PLEKHM1: variants seen among roughly 807,000 people sequenced by gnomAD.
PLEKHM1 encodes pleckstrin homology and RUN domain containing M1.
PLEKHM1 carries 28 observed loss-of-function variants against 94.3 expected under a neutral mutation model. The ratio of observed to expected loss-of-function variants is 0.30; its 90% confidence interval spans 0.22 to 0.41. PLEKHM1 has a LOEUF of 0.41. PLEKHM1 is among the 10% of genes least tolerant of loss of function. PLEKHM1 has a pLI of 1.00. For missense variants in PLEKHM1, 907 were observed against 1,358.6 expected (o/e 0.67, Z 5.22); for synonymous variants, 424 against 581.2 (o/e 0.73, Z 3.89).
intron 5 of PLEKHM1, among the ~76,000 whole-genome samples, chr17:45,460,991 T>C (rs1354074011): frequency 6.6e-6 from 1 of 152,170 alleles, no homozygotes; most frequent in African/African-American, 2.4e-5. Context: ...TTCACGCCAT[T>C]CTCCTGCCTC....
In PLEKHM1 at chr17:45,468,489, C is replaced by T. The variant is rs775330482; in HGVS notation, c.1028G>A (p.Gly343Asp). ...GTGCAGGTATGTGCTGGTGTTGAGG[C>T]CATGGAGGGAGAGCGAGGCCTGTGG... Reference protein sequence around the residue: ...PTPQASLSLHGLNTSTYLHCE... With the variant: ...PTPQASLSLHDLNTSTYLHCE... Residue 343 changes from glycine to aspartate, a missense_variant, in exon 5 of 12, where the codon GGC (glycine) becomes GAC (aspartate). Physicochemically the swap from Gly to Asp is moderately conservative, Grantham distance 94. Transcript: ENST00000430334. 4 of 1,614,174 alleles carry T rather than the reference C, an allele frequency of 2.5e-6. No homozygotes were observed. In the South Asian group the frequency reaches 3.3e-5, roughly 13 times the overall value.
At chr17:45,450,182 C>A (rs1328228033) in intron 8 of PLEKHM1, among the ~76,000 whole-genome samples, 1 of 151,898 alleles carries the variant, frequency 6.6e-6, no homozygotes, top group Non-Finnish European at 1.5e-5. Flanking sequence ...TCCACCTAAC[C>A]ATCCACCTAG....
chr17:45,452,957 T>C (rs1258291085), intron 7 of PLEKHM1: 2 of 353,366 alleles, frequency 5.7e-6, no homozygotes, highest in Non-Finnish European at 1.1e-5. Flanking sequence ...CCCATTTTTA[T>C]AATTAAAAAA....
rs1000302854 is a variant in PLEKHM1 at position 45,445,209 on chromosome 17, A to C, written c.2837+261T>G. ...AGGCCCAGTGGGAAGATCTCTGCCC[A>C]GGTTTCCTCCAGGTGGACGCCTTGC... On this transcript the variant is annotated intron_variant, in intron 9 of 11. Coordinates refer to ENST00000430334, the MANE Select transcript of PLEKHM1 (RefSeq NM_014798.3). The surrounding 1 kb of genome is among the most constrained non-coding windows in gnomAD (Gnocchi z 4.2). Among the ~76,000 whole-genome samples, 3 of 152,242 alleles carry C rather than the reference A, an allele frequency of 2.0e-5. No homozygotes were observed. Among genetic ancestry groups the C allele is most frequent in the African/African-American group, 7.2e-5 (3 of 41,472 alleles).
intron 4 of PLEKHM1, among the ~76,000 whole-genome samples, chr17:45,473,629 G>A (rs994847443): frequency 1.3e-5 from 2 of 151,884 alleles, no homozygotes; most frequent in African/African-American, 4.8e-5. Context: ...CACGATCTCG[G>A]CTCACTGCAA....
At chr17:45,470,427 G>A (rs1386859648) in intron 4 of PLEKHM1, among the ~76,000 whole-genome samples, 2 of 152,288 alleles carry the variant, frequency 1.3e-5, no homozygotes, top group African/African-American at 2.4e-5. Context: ...CCAGGAGTTC[G>A]AGATCAGCCT....
chr17:45,487,940 A>C (rs1466365950), intron 1 of PLEKHM1: 1 of 368,658 alleles, frequency 2.7e-6, no homozygotes, highest in African/African-American at 2.1e-5. Flanking sequence ...TTCAATTGGA[A>C]AAGAATGACA....
rs1206051316 is a variant in PLEKHM1 at position 45,475,125 on chromosome 17, C to T, written c.898G>A (p.Glu300Lys). Reference protein sequence around the residue: ...CDSDLGTANAEDSDRSLQEVL... With the variant: ...CDSDLGTANAKDSDRSLQEVL... ...TCTTGCAGAGACCGGTCTGAGTCCT[C>T]AGCATTTGCTGTGCCCAGGTCTGAG... The change falls in exon 4 of 12, where the codon GAG becomes AAG. Residue 300 changes from glutamate (E) to lysine (K), a missense_variant. Glu to Lys is a moderately conservative substitution (Grantham distance 56). Around this residue, in one of 3 missense-constraint regions of PLEKHM1, gnomAD observed 477 missense variants for 601.5 expected, o/e 0.79. Transcript: ENST00000430334. 1 of 1,613,966 alleles carries T rather than the reference C, an allele frequency of 6.2e-7. No individual in the cohort carries two copies. The highest frequency in any genetic ancestry group is 2.2e-5 in the East Asian group (1 of 44,886).
chr17:45,448,892 G>A (rs546621792), intron 8 of PLEKHM1, among the ~76,000 whole-genome samples: 1 of 152,090 alleles, frequency 6.6e-6, no homozygotes, highest in East Asian at 1.9e-4. Context: ...AGTGAACCAA[G>A]CTTCTTATAA....
In PLEKHM1 at chr17:45,439,608, G is replaced by A. The variant is rs765557109; in HGVS notation, c.2928C>T (p.Phe976=). The A allele has an allele frequency of 4.3e-6, 7 of 1,614,096 alleles. No homozygotes were observed. The highest frequency in any genetic ancestry group is 5.9e-6 in the Non-Finnish European group (7 of 1,179,982). ...AGGCAAATTCAATCAGGGCCTTGAG[G>A]AATCCTTCATACACCCCGTCTGCGA... is the stretch of plus-strand genomic sequence containing the variant. ...QQIADGVYEG[F]LKALIEFASQ... The change falls in exon 11 of 12, where the codon TTC becomes TTT. Residue 976 remains phenylalanine, a synonymous_variant. Coordinates refer to ENST00000430334, the MANE Select transcript of PLEKHM1 (RefSeq NM_014798.3).
chr17:45,459,305 C>T (rs2051080258), intron 5 of PLEKHM1: 1 of 152,222 alleles, frequency 6.6e-6, no homozygotes, highest in African/African-American at 2.4e-5. Flanking sequence ...GCTCTAGGCA[C>T]CTACTTACCT....
At chr17:45,474,443 C>G (rs971521362) in intron 4 of PLEKHM1, among the ~76,000 whole-genome samples, 1 of 152,178 alleles carries the variant, frequency 6.6e-6, no homozygotes, top group Non-Finnish European at 1.5e-5. Context: ...TACTCTTCCA[C>G]ACATCTGTCT....
Position 45,458,354 on chromosome 17 carries a change from G to A in PLEKHM1, c.1394C>T (p.Ala465Val), listed in dbSNP as rs1205378774. ...TGACCCTGGAGTCCCCCTGTAAGAAGCTATTGGGTGGTCTGAAGCACTCTC... is the reference window on the plus strand; with the variant it reads ...TGACCCTGGAGTCCCCCTGTAAGAAACTATTGGGTGGTCTGAAGCACTCTC... ...PLESASDHPI[A>V]SYRGTPGSRP... The change falls in exon 6 of 12, where the codon GCT (alanine) becomes GTT (valine). Residue 465 changes from alanine (A) to valine (V), a missense_variant. Transcript: ENST00000430334. 2.5e-6 allele frequency: 4 copies of A among 1,614,012 alleles called. No homozygotes were observed. Among genetic ancestry groups the A allele is most frequent in the African/African-American group, 2.7e-5 (2 of 75,062 alleles).
intron 9 of PLEKHM1, among the ~76,000 whole-genome samples, chr17:45,443,851 A>T (rs976620848): frequency 6.6e-6 from 1 of 152,082 alleles, no homozygotes; most frequent in Non-Finnish European, 1.5e-5. Flanking sequence ...CAAGAGGTGG[A>T]GACCCAGTCA....
intron 6 of PLEKHM1, among the ~76,000 whole-genome samples, chr17:45,456,740 GGAGA>G (rs2050963191): frequency 6.6e-6 from 1 of 152,228 alleles, no homozygotes; most frequent in Non-Finnish European, 1.5e-5. Context: ...CAGAAAATGA[GGAGA>G]GAAAGAGACC....
In PLEKHM1 at chr17:45,470,608, A is replaced by G. The variant is rs545022005; in HGVS notation, c.924-2015T>C. Among the ~76,000 whole-genome samples, 37 of 152,066 alleles carry G rather than the reference A, an allele frequency of 2.4e-4. No homozygotes were observed. The South Asian group carries it at 6.0e-3, about 25-fold the overall frequency. ...CACACCACTGCACTCCAGCCTGGGC[A>G]ACAAAGTGAAACTCTGTTTCAAAAA... On this transcript the variant is annotated intron_variant, in intron 4 of 11. Coordinates refer to ENST00000430334, the MANE Select transcript of PLEKHM1 (RefSeq NM_014798.3).
chr17:45,461,391 G>C (rs2051148327), intron 5 of PLEKHM1, among the ~76,000 whole-genome samples: 1 of 152,156 alleles, frequency 6.6e-6, no homozygotes, highest in Non-Finnish European at 1.5e-5. Context: ...TGTTAGTTTT[G>C]ATAAAGTCTA....
rs1409904391 is a variant in PLEKHM1 at position 45,445,592 on chromosome 17, G to A, written c.2715C>T (p.Asn905=). Residue 905 remains asparagine (N), a synonymous_variant, in exon 9 of 12, where the codon AAC becomes AAT. Transcript: ENST00000430334. The surrounding 1 kb of genome is among the most constrained non-coding windows in gnomAD (Gnocchi z 4.2). ...GCTCCACATGCTCGTACAGAGACGC[G>A]TTCACCATCTGCAGGTTGATGAGGG... The part of the protein sequence containing the change: ...AQPLINLQMV[N]ASLYEHVERM... 6 of 1,613,730 alleles carry A rather than the reference G, an allele frequency of 3.7e-6. No homozygotes were observed. The highest frequency in any genetic ancestry group is 1.7e-5 in the Admixed American group (1 of 60,010).
chr17:45,440,328 C>T (rs773748491), intron 9 of PLEKHM1, 102 bp from the exon 10 acceptor site: 7 of 1,198,926 alleles, frequency 5.8e-6, no homozygotes, highest in African/African-American at 4.5e-5. Flanking sequence ...CAGGCAGACA[C>T]CCCCCGCCTG....
Sources: allele counts gnomAD v4.1 joint callset (sites outside exome capture counted in the v4.1 genomes callset), GRCh38; gene constraint gnomAD v4.1.1; regional missense constraint gnomAD v4.1.1; non-coding constraint Gnocchi (gnomAD v3.1); transcripts MANE v1.5; gene names NCBI Gene and HGNC (gene_info 2026-07-23, HGNC 2026-07-21).